The following ABCG1 variants were observed in gnomAD, a reference collection of about 807,000 sequenced individuals.
ABCG1 encodes the protein ATP binding cassette subfamily G member 1.
In ABCG1, 29 loss-of-function variants were observed where a neutral mutation model predicts 69.2. The observed-to-expected ratio is 0.42, with a 90% CI of 0.31 to 0.57. The LOEUF (loss-of-function observed/expected upper bound fraction) is 0.57. Among genes scored for constraint, ABCG1 ranks in the 20% least tolerant of loss-of-function variants. ABCG1 has a pLI of 0.15. For synonymous variants in ABCG1, 370 were observed against 374.8 expected (o/e 0.99, Z 0.15); for missense variants, 718 against 898.1 (o/e 0.80, Z 2.56).
chr21:42,262,895 G>A (rs1307662279), intron 2 of ABCG1, among the ~76,000 whole-genome samples: 1 of 152,238 alleles, frequency 6.6e-6, no homozygotes, highest in Non-Finnish European at 1.5e-5. Context: ...GCCCACCCCA[G>A]TGAGCTCTGG....
chr21:42,232,420 G>A (rs116501009), intron 2 of ABCG1, among the ~76,000 whole-genome samples: 3,296 of 152,274 alleles, frequency 0.022, 119 homozygotes, highest in African/African-American at 0.075. Context: ...CCCTGGACAA[G>A]GCTCAGATGG....
intron 14 of ABCG1, among the ~76,000 whole-genome samples, chr21:42,295,863 G>A (rs376033852): frequency 2.0e-5 from 3 of 152,164 alleles, no homozygotes; most frequent in African/African-American, 4.8e-5. Flanking sequence ...ATGTAACCTC[G>A]GAAGTGAACA....
rs1382426557 is a variant in ABCG1 at position 42,276,227 on chromosome 21, T to A, written c.538-668T>A. On this transcript the variant is annotated intron_variant, in intron 4 of 14. Transcript: ENST00000398449. This position sits in a 1 kb window ranked among gnomAD's most constrained non-coding sequence, Gnocchi z 5.3. Reference sequence around the variant, plus strand: ...GCAGGGCCAGGAGCCCAGTGCTGTGTTAGCAAACGGGATCTCAAAAAACAC... The same window carrying A: ...GCAGGGCCAGGAGCCCAGTGCTGTGATAGCAAACGGGATCTCAAAAAACAC... 11 of 152,358 alleles carry A rather than the reference T, an allele frequency of 7.2e-5. No homozygotes were observed. The highest frequency in any genetic ancestry group is 2.0e-4 in the Admixed American group (3 of 15,296). 9.4% of individuals were successfully genotyped at this position (152,358 alleles called of 1,614,324 possible). A position where few individuals can be genotyped will look rare whatever the true frequency, so the allele number is the denominator to read the frequency against.
chr21:42,252,080 T>G (rs1446422575), intron 2 of ABCG1, among the ~76,000 whole-genome samples: 1 of 152,202 alleles, frequency 6.6e-6, no homozygotes, highest in Non-Finnish European at 1.5e-5. Flanking sequence ...CTCCCCGCAA[T>G]GCTTCTTGGA....
At chr21:42,255,352 G>GGT (rs1400872568) in intron 2 of ABCG1, among the ~76,000 whole-genome samples, 1 of 152,220 alleles carries the variant, frequency 6.6e-6, no homozygotes, top group African/African-American at 2.4e-5. Flanking sequence ...GTGTGTACAT[G>GGT]GTGTGTGTGC....
intron 2 of ABCG1, chr21:42,259,300 G>A (rs2068363194): frequency 6.5e-7 from 1 of 1,535,164 alleles, no homozygotes; most frequent in Admixed American, 2.0e-5. Context: ...TGTAAGTGAA[G>A]TTTTGTTGCA....
chr21:42,288,205 C>T lies in ABCG1; in HGVS notation c.1123-6C>T, dbSNP rs2068983667. Reference sequence around the variant, plus strand: ...TCACCCGCTCCCCTCTTGCGTGTGTCCTCAGGACTCCTCGTCCATGGAAGG... The same window carrying T: ...TCACCCGCTCCCCTCTTGCGTGTGTTCTCAGGACTCCTCGTCCATGGAAGG... On this transcript the variant is annotated splice_region_variant and splice_polypyrimidine_tract_variant and intron_variant, in intron 9 of 14. Coordinates refer to ENST00000398449, the MANE Select transcript of ABCG1 (RefSeq NM_016818.3). This position sits in a 1 kb window ranked among gnomAD's most constrained non-coding sequence, Gnocchi z 4.8. 1 of 1,613,926 alleles carries T rather than the reference C, an allele frequency of 6.2e-7. No individual in the cohort carries two copies. Among genetic ancestry groups the T allele is most frequent in the African/African-American group, 1.3e-5 (1 of 75,038 alleles).
chr21:42,225,960 G>A lies in ABCG1; in HGVS notation c.286+46G>A, dbSNP rs201787837. On this transcript the variant is annotated intron_variant, in intron 2 of 14. Coordinates refer to ENST00000398449, the MANE Select transcript of ABCG1 (RefSeq NM_016818.3). ...GTGTATCAAGCTGGGAGGAGCCTCT[G>A]AAGGAGGCAACAGGTTGTTTGGGCA... 12 of 1,593,538 alleles carry A rather than the reference G, an allele frequency of 7.5e-6. No homozygotes were observed. The East Asian group carries it at 2.7e-4, about 36-fold the overall frequency.
chr21:42,269,648 C>T (rs900154835), intron 2 of ABCG1, among the ~76,000 whole-genome samples: 12 of 152,214 alleles, frequency 7.9e-5, no homozygotes, highest in African/African-American at 2.4e-4. Flanking sequence ...CTGGCTTCCG[C>T]AGCTCTCTGA....
At position 42,219,945 on chromosome 21, in the gene ABCG1, G is replaced by GTA. The variant is rs779711140; in HGVS notation, c.42+641_42+642insTA. ...TGCCGGCCGCCTTTCTGCGCGCGCC[G>GTA]GAGAGAGAGACGCGGTGGGGACAGG... On this transcript the variant is annotated intron_variant, in intron 1 of 14. Coordinates refer to ENST00000398449, the MANE Select transcript of ABCG1 (RefSeq NM_016818.3). This position sits in a 1 kb window ranked among gnomAD's most constrained non-coding sequence, Gnocchi z 5.3. The GTA allele has an allele frequency of 6.4e-7, 1 of 1,551,126 alleles. No individual in the cohort carries two copies. Among genetic ancestry groups the GTA allele is most frequent in the Non-Finnish European group, 8.7e-7 (1 of 1,146,836 alleles).
intron 2 of ABCG1, among the ~76,000 whole-genome samples, chr21:42,244,518 T>G (rs1349632706): frequency 3.9e-5 from 6 of 152,262 alleles, no homozygotes; most frequent in Non-Finnish European, 8.8e-5. Flanking sequence ...CTGCATTTCC[T>G]AAAGTCTAAT....
In ABCG1 at chr21:42,273,164, TC is replaced by T. The variant is rs2068646325; in HGVS notation, c.405-138del. On this transcript the variant is annotated intron_variant, in intron 3 of 14. Coordinates refer to ENST00000398449, the MANE Select transcript of ABCG1 (RefSeq NM_016818.3). This position sits in a 1 kb window ranked among gnomAD's most constrained non-coding sequence, Gnocchi z 5.3. ...GCGAGGTCCGGTCCCTTTCTGCCCC[TC>T]GGGGTCCCCGTGGCCAGTGGTTCAG... is the stretch of plus-strand genomic sequence containing the variant. 1 of 1,193,450 alleles carries T rather than the reference TC, an allele frequency of 8.4e-7. No individual in the cohort carries two copies. The highest frequency in any genetic ancestry group is 2.4e-5 in the East Asian group (1 of 41,932). 73.9% of individuals were successfully genotyped at this position (1,193,450 alleles called of 1,614,324 possible). A position where few individuals can be genotyped will look rare whatever the true frequency, so the allele number is the denominator to read the frequency against.
chr21:42,277,027 G>C, intron 5 of ABCG1, 82 bp downstream of exon 5: 1 of 1,473,192 alleles, frequency 6.8e-7, no homozygotes, highest in Non-Finnish European at 9.5e-7. Context: ...GGGGCATTTT[G>C]GCATTGGCTT....
chr21:42,201,598 G>A lies in ABCG1; in HGVS notation c.-78G>A, dbSNP rs79961376. The A allele has an allele frequency of 5.3e-3, 8,278 of 1,551,434 alleles. 338 individuals are homozygous for A. The African/African-American group carries it at 0.092, about 17-fold the overall frequency. ...ACAGCGCTACACCAACCTGAACTTC[G>A]CTTCCTGAGACCTAAGATTCAGCCC... is the stretch of plus-strand genomic sequence containing the variant. On this transcript the variant is annotated 5_prime_UTR_variant, in exon 2 of 16. Coordinates refer to the ABCG1 transcript ENST00000398457.
intron 2 of ABCG1, among the ~76,000 whole-genome samples, chr21:42,230,080 C>G (rs556373381): frequency 6.6e-6 from 1 of 152,200 alleles, no homozygotes; most frequent in Non-Finnish European, 1.5e-5. Context: ...AAAGGCGATG[C>G]GGGAAACAGT....
Position 42,291,087 on chromosome 21 carries a change from C to T in ABCG1, c.1394-5C>T, listed in dbSNP as rs368148585. On this transcript the variant is annotated splice_region_variant and splice_polypyrimidine_tract_variant and intron_variant, in intron 11 of 14. Coordinates refer to ENST00000398449, the MANE Select transcript of ABCG1 (RefSeq NM_016818.3). This position sits in a 1 kb window ranked among gnomAD's most constrained non-coding sequence, Gnocchi z 6.4. ...ACCCTTCTTTTTTGCTTTTCTATCTCCTAGTTCCCCTGGAGATGGGAGTCT... is the reference window on the plus strand; with the variant it reads ...ACCCTTCTTTTTTGCTTTTCTATCTTCTAGTTCCCCTGGAGATGGGAGTCT... 15 of 1,612,142 alleles carry T rather than the reference C, an allele frequency of 9.3e-6. No individual in the cohort carries two copies. In the African/African-American group the frequency reaches 2.0e-4, roughly 22 times the overall value.
At chr21:42,294,213 G>A (rs1002224450) in intron 13 of ABCG1, among the ~76,000 whole-genome samples, 17 of 152,174 alleles carry the variant, frequency 1.1e-4, no homozygotes, top group Middle Eastern at 3.2e-3. Flanking sequence ...TAGCCCCCCC[G>A]GGGACAGCTG....
chr21:42,215,556 A>C (rs1483828080), upstream of ABCG1, among the ~76,000 whole-genome samples: 1 of 152,204 alleles, frequency 6.6e-6, no homozygotes, highest in African/African-American at 2.4e-5. Flanking sequence ...TCTAGAGGGA[A>C]GGAGCACATC....
At chr21:42,267,754 G>A (rs1478641372) in intron 2 of ABCG1, among the ~76,000 whole-genome samples, 1 of 150,492 alleles carries the variant, frequency 6.6e-6, no homozygotes, top group African/African-American at 2.5e-5. Context: ...TGTGGTCTGG[G>A]TTCTGCCTGG....
Sources: allele counts gnomAD v4.1 joint callset (sites outside exome capture counted in the v4.1 genomes callset), GRCh38; gene constraint gnomAD v4.1.1; non-coding constraint Gnocchi (gnomAD v3.1); transcripts MANE v1.5; gene names NCBI Gene and HGNC (gene_info 2026-07-23, HGNC 2026-07-21).